The following IL1RAPL1 variants were observed in gnomAD, a reference collection of about 807,000 sequenced individuals.
IL1RAPL1 encodes the protein interleukin 1 receptor accessory protein like 1, also known as interleukin-1 receptor accessory protein-like 1.
Under a neutral mutation model 48.4 loss-of-function variants are expected in IL1RAPL1, and 3 were observed. That is an observed-to-expected ratio of 0.06 (90% CI 0.03 to 0.16). IL1RAPL1 has a LOEUF of 0.16. Ranked by LOEUF, IL1RAPL1 falls within the 10% of genes least tolerant of loss-of-function variation. The pLI, the probability that IL1RAPL1 is intolerant of heterozygous loss-of-function variation, is 1.00. For synonymous variants in IL1RAPL1, 185 were observed against 187.7 expected, an observed-to-expected ratio of 0.99 and a Z score of 0.12; for missense variants, 349 against 530.6, an observed-to-expected ratio of 0.66 and a Z score of 3.36.
intron 6 of IL1RAPL1, among the ~76,000 whole-genome samples, chrX:29,675,739 C>T (rs141048923): frequency 6.9e-4 from 77 of 110,979 alleles, no homozygotes; most frequent in African/African-American, 2.3e-3. Context: ...TACAGGCATC[C>T]GCCACCATGC....
At chrX:29,257,950 A>G (rs1931783239) in intron 2 of IL1RAPL1, among the ~76,000 whole-genome samples, 1 of 111,621 alleles carries the variant, frequency 9.0e-6, no homozygotes, top group Admixed American at 9.5e-5. Flanking sequence ...TTCCTTTGAC[A>G]ACATTTGTGA....
chrX:29,554,541 G>A (rs938941600), intron 5 of IL1RAPL1, among the ~76,000 whole-genome samples: 1 of 111,145 alleles, frequency 9.0e-6, no homozygotes, highest in Admixed American at 9.6e-5. Flanking sequence ...GATTACCTCA[G>A]ACTAACTTAC....
At chrX:29,692,360 T>C (rs760170651) in intron 6 of IL1RAPL1, among the ~76,000 whole-genome samples, 4 of 111,971 alleles carry the variant, frequency 3.6e-5, no homozygotes, top group Non-Finnish European at 7.5e-5. Context: ...CATTCTCCCA[T>C]GTAGTAATTT....
chrX:29,447,834 GC>G (rs1231929973), intron 5 of IL1RAPL1, among the ~76,000 whole-genome samples: 1 of 112,092 alleles, frequency 8.9e-6, no homozygotes, highest in Non-Finnish European at 1.9e-5. Flanking sequence ...AAAATTAGTG[GC>G]ATAAATCAGA....
chrX:28,791,899 G>A (rs773505600), intron 2 of IL1RAPL1, among the ~76,000 whole-genome samples: 1 of 111,823 alleles, frequency 8.9e-6, no homozygotes, highest in African/African-American at 3.2e-5. Flanking sequence ...TTACTGAATA[G>A]TGTCATTACT....
chrX:29,740,494 C>T (rs1462736117), intron 6 of IL1RAPL1, among the ~76,000 whole-genome samples: 1 of 112,048 alleles, frequency 8.9e-6, no homozygotes, highest in Non-Finnish European at 1.9e-5. Context: ...TCCCATCATT[C>T]TCTTAGTTAC....
chrX:29,894,959 T>A (rs112173845), intron 6 of IL1RAPL1, among the ~76,000 whole-genome samples: 12,882 of 109,016 alleles, frequency 0.12, 727 homozygotes, highest in Admixed American at 0.19. Context: ...CCTGAGTAGC[T>A]AGGACTACAG....
At chrX:29,355,525 G>C (rs1933289934) in intron 3 of IL1RAPL1, among the ~76,000 whole-genome samples, 2 of 112,376 alleles carry the variant, frequency 1.8e-5, no homozygotes, top group African/African-American at 3.2e-5. Flanking sequence ...CCCACAAACA[G>C]CAATCATTTC....
chrX:28,759,256 A>C (rs748251757), intron 1 of IL1RAPL1, among the ~76,000 whole-genome samples: 2 of 110,433 alleles, frequency 1.8e-5, no homozygotes, highest in Non-Finnish European at 3.8e-5. Context: ...AAAAATAATA[A>C]TAATATACGT....
At position 29,363,858 on chromosome X, in the gene IL1RAPL1, C is replaced by A. The variant is rs187418104; in HGVS notation, c.363-32400C>A. ...GACCAAGCCCATGATCCAATCACCT[C>A]TCACCAGGCTCCACCTCCAACACTG... On this transcript the variant is annotated intron_variant, in intron 3 of 10. Coordinates refer to ENST00000378993, the MANE Select transcript of IL1RAPL1 (RefSeq NM_014271.4). Among the ~76,000 whole-genome samples, 3 of 111,336 alleles carry A rather than the reference C, an allele frequency of 2.7e-5. No homozygotes were observed. The East Asian group carries it at 8.5e-4, about 32-fold the overall frequency.
chrX:28,871,643 G>A (rs897682305), intron 2 of IL1RAPL1, among the ~76,000 whole-genome samples: 1 of 111,737 alleles, frequency 8.9e-6, no homozygotes, highest in African/African-American at 3.3e-5. Flanking sequence ...ATAGGGCTAA[G>A]GGAGGGCCCA....
intron 2 of IL1RAPL1, among the ~76,000 whole-genome samples, chrX:29,020,953 C>G (rs1359221745): frequency 9.0e-6 from 1 of 111,026 alleles, no homozygotes; most frequent in South Asian, 3.8e-4. Context: ...GGGCCAGGTG[C>G]GGTGGCTCAC....
At chrX:29,802,493 C>CA (rs1208543522) in intron 6 of IL1RAPL1, among the ~76,000 whole-genome samples, 6 of 106,201 alleles carry the variant, frequency 5.6e-5, no homozygotes, top group African/African-American at 6.8e-5. Context: ...ACGATGTTAC[C>CA]AAAAAAAAGA....
chrX:28,804,067 T>A (rs918919342), intron 2 of IL1RAPL1, among the ~76,000 whole-genome samples: 1 of 111,948 alleles, frequency 8.9e-6, no homozygotes, highest in South Asian at 3.7e-4. Flanking sequence ...CTGATTTTTT[T>A]AAGAAACATA....
At chrX:29,056,896 G>GT (rs1038330991) in intron 2 of IL1RAPL1, among the ~76,000 whole-genome samples, 7 of 112,025 alleles carry the variant, frequency 6.2e-5, no homozygotes, top group South Asian at 3.6e-4. Context: ...TTGGTTTTTA[G>GT]TTTTTTTATA....
chrX:29,673,759 A>T (rs1452433756), intron 6 of IL1RAPL1, among the ~76,000 whole-genome samples: 2 of 111,996 alleles, frequency 1.8e-5, no homozygotes, highest in Non-Finnish European at 3.8e-5. Flanking sequence ...AAACTATGGC[A>T]TTCAATTCTA....
chrX:29,234,372 G>A (rs1397121087), intron 2 of IL1RAPL1, among the ~76,000 whole-genome samples: 1 of 111,275 alleles, frequency 9.0e-6, no homozygotes, highest in African/African-American at 3.3e-5. Context: ...TAGCTCATCC[G>A]TCTCCATGAA....
At chrX:29,319,364 A>ATTTTTTTTTTTTTTTTTGTT (rs1932786271) in intron 3 of IL1RAPL1, among the ~76,000 whole-genome samples, 1 of 58,137 alleles carries the variant, frequency 1.7e-5, no homozygotes, top group Non-Finnish European at 3.1e-5. Flanking sequence ...GATAAATTTA[A>ATTTTTTTTTTTTTTTTTGTT]TTTTTTTTTT....
chrX:29,063,434 G>A (rs1927384570), intron 2 of IL1RAPL1, among the ~76,000 whole-genome samples: 2 of 111,335 alleles, frequency 1.8e-5, no homozygotes, highest in Admixed American at 1.9e-4. Flanking sequence ...TTCCTGAAGT[G>A]CCTAGCTATC....
Sources: allele counts gnomAD v4.1 joint callset (sites outside exome capture counted in the v4.1 genomes callset), GRCh38; gene constraint gnomAD v4.1.1; transcripts MANE v1.5; gene names NCBI Gene and HGNC (gene_info 2026-07-23, HGNC 2026-07-21).